Variants in AGBL4 observed in about 807,000 individuals in gnomAD.
AGBL4 encodes the protein cytosolic carboxypeptidase 6.
Under a neutral mutation model 66.4 loss-of-function variants are expected in AGBL4, and 58 were observed. The ratio of observed to expected loss-of-function variants is 0.87; its 90% CI spans 0.71 to 1.09. The LOEUF is 1.09. AGBL4 is among the 50% of genes least tolerant of loss of function. The probability of loss-of-function intolerance (pLI) is 0.00; values close to 1 mark genes in which losing one functional copy is unlikely to be tolerated. For missense variants in AGBL4, 579 were observed against 631.0 expected, an observed-to-expected ratio of 0.92 and a Z score of 0.88; for synonymous variants, 234 against 222.9, an observed-to-expected ratio of 1.05 and a Z score of -0.44.
At chr1:48,754,335 A>T (rs1652200328) in intron 6 of AGBL4, among the ~76,000 whole-genome samples, 1 of 152,146 alleles carries the variant, frequency 6.6e-6, no homozygotes, top group Non-Finnish European at 1.5e-5. Context: ...GTTTAAACAC[A>T]CCATTCTAAT....
chr1:50,015,052 C>T (rs776075643), intron 1 of AGBL4, among the ~76,000 whole-genome samples: 19 of 152,192 alleles, frequency 1.2e-4, no homozygotes, highest in Non-Finnish European at 2.1e-4. Context: ...TCTAAGTGAG[C>T]ATTATTCTCT....
rs141073743 is a variant in AGBL4, at chr1:49,291,893, CA to C, written c.283-46030del. Among the ~76,000 whole-genome samples, 835 of 152,276 alleles carry C rather than the reference CA, an allele frequency of 5.5e-3. 3 individuals are homozygous for C. The highest frequency in any genetic ancestry group is 0.02 in the Middle Eastern group (6 of 294). The stretch of plus-strand genomic sequence containing the variant: ...CTTCCCAGGTGCAGCTGCAGATGCC[CA>C]AGCCATCGATATGGAACTGGGTCTC... On this transcript the variant is annotated intron_variant, in intron 3 of 13. Coordinates refer to ENST00000371839, the MANE Select transcript of AGBL4 (RefSeq NM_032785.4).
intron 4 of AGBL4, among the ~76,000 whole-genome samples, chr1:49,097,809 G>A (rs1645133845): frequency 6.6e-6 from 1 of 152,182 alleles, no homozygotes; most frequent in Non-Finnish European, 1.5e-5. Context: ...TGAAGCTCTT[G>A]GCCTCAAGTA....
chr1:49,863,489 A>G (rs1011758265), intron 1 of AGBL4, among the ~76,000 whole-genome samples: 1 of 152,262 alleles, frequency 6.6e-6, no homozygotes, highest in Non-Finnish European at 1.5e-5. Flanking sequence ...AACAAAGTGA[A>G]GAGACAACCC....
intron 5 of AGBL4, among the ~76,000 whole-genome samples, chr1:48,976,802 C>T (rs192629291): frequency 6.6e-6 from 1 of 152,094 alleles, no homozygotes. Context: ...AGTCTTAACT[C>T]CAATATCCCC....
At chr1:49,845,938 G>C in intron 2 of AGBL4, 1 of 1,494,502 alleles carries the variant, frequency 6.7e-7, no homozygotes, top group Non-Finnish European at 9.3e-7. Flanking sequence ...ACTGCAGCAA[G>C]GCATTCAGCC....
rs143179048 is a variant in AGBL4 at position 49,598,906 on chromosome 1, T to C, written c.282+98407A>G. ...CTGTTTATGTGATGGATTACATTTA[T>C]TGATTTGCGTACGTTGAACCAGCCT... is the stretch of plus-strand genomic sequence containing the variant. On this transcript the variant is annotated intron_variant, in intron 3 of 13. Transcript: ENST00000371839. Among the ~76,000 whole-genome samples, 511 of 152,314 alleles carry C rather than the reference T, an allele frequency of 3.4e-3. 2 individuals carry two copies. Among genetic ancestry groups the C allele is most frequent in the African/African-American group, 0.011 (478 of 41,576 alleles).
At chr1:49,564,860 C>T (rs1326086630) in intron 3 of AGBL4, among the ~76,000 whole-genome samples, 2 of 152,132 alleles carry the variant, frequency 1.3e-5, no homozygotes, top group African/African-American at 4.8e-5. Flanking sequence ...CCTGGATATC[C>T]TTCTTAACTT....
chr1:49,477,986 T>C (rs1270417125), intron 3 of AGBL4, among the ~76,000 whole-genome samples: 1 of 151,474 alleles, frequency 6.6e-6, no homozygotes, highest in African/African-American at 2.4e-5. Flanking sequence ...TAAGTGATCT[T>C]GAATACAGGC....
Position 49,259,525 on chromosome 1 carries a change from G to C in AGBL4, c.283-13661C>G, listed in dbSNP as rs867999586. 3.4e-3 allele frequency among the ~76,000 whole-genome samples: 509 copies of C among 147,722 alleles called. 1 individual carries two copies. Among genetic ancestry groups the C allele is most frequent in the Middle Eastern group, 0.028 (8 of 284 alleles). ...TGCAATCCTAGTCTCTGATAAAACA[G>C]ACTTTAAACCAACAAAGATCAAAAG... On this transcript the variant is annotated intron_variant, in intron 3 of 13. Coordinates refer to ENST00000371839, the MANE Select transcript of AGBL4 (RefSeq NM_032785.4).
intron 1 of AGBL4, among the ~76,000 whole-genome samples, chr1:49,920,836 G>A (rs1429046069): frequency 3.3e-5 from 5 of 152,064 alleles, no homozygotes; most frequent in South Asian, 4.1e-4. Flanking sequence ...GACTTGGAAC[G>A]AATCCACTGT....
intron 4 of AGBL4, among the ~76,000 whole-genome samples, chr1:49,098,091 C>A (rs910452809): frequency 2.0e-5 from 3 of 152,184 alleles, no homozygotes; most frequent in Non-Finnish European, 4.4e-5. Context: ...GAGATGTAGG[C>A]TTGAACTGTG....
intron 2 of AGBL4, chr1:49,845,795 G>C: frequency 1.3e-6 from 2 of 1,559,882 alleles, no homozygotes; most frequent in Non-Finnish European, 1.8e-6. Flanking sequence ...TCCTCACTTA[G>C]CCAGCAGGAG....
intron 5 of AGBL4, among the ~76,000 whole-genome samples, chr1:48,968,674 A>G (rs932447141): frequency 2.0e-5 from 3 of 152,174 alleles, no homozygotes; most frequent in Admixed American, 6.6e-5. Context: ...AAGGCCACAC[A>G]GTGGGTCCAT....
chr1:49,845,380 C>G (rs1455897132), intron 2 of AGBL4: 26 of 1,386,764 alleles, frequency 1.9e-5, no homozygotes, highest in Non-Finnish European at 2.7e-5. Flanking sequence ...CTTTAGCCAA[C>G]ACAAGTGAAC....
chr1:49,275,916 G>A (rs921003953), intron 3 of AGBL4, among the ~76,000 whole-genome samples: 7 of 152,034 alleles, frequency 4.6e-5, no homozygotes, highest in Admixed American at 1.3e-4. Context: ...CTGCTGATGT[G>A]TAAACTACTC....
At chr1:49,556,364 C>T (rs1643897155) in intron 3 of AGBL4, among the ~76,000 whole-genome samples, 1 of 152,036 alleles carries the variant, frequency 6.6e-6, no homozygotes, top group African/African-American at 2.4e-5. Context: ...ACATCACATA[C>T]TGGCGCCTGT....
At chr1:49,018,407 C>G (rs1180139498) in intron 5 of AGBL4, among the ~76,000 whole-genome samples, 1 of 152,160 alleles carries the variant, frequency 6.6e-6, no homozygotes, top group Non-Finnish European at 1.5e-5. Context: ...TGGCAAGCCC[C>G]AACTCAGACC....
At chr1:49,735,288 GGTGTGTGGGTGTGT>G (rs1213115693) in intron 2 of AGBL4, among the ~76,000 whole-genome samples, 11 of 115,048 alleles carry the variant, frequency 9.6e-5, no homozygotes, top group African/African-American at 4.8e-4. Flanking sequence ...AAGAGGTAGA[GGTGTGTGGGTGTGT>G]GTGTGTGTGT....
Sources: gnomAD v4.1 joint callset for allele counts (sites outside exome capture counted in the v4.1 genomes callset) on GRCh38, gnomAD v4.1.1 for gene constraint, MANE v1.5 for transcripts, NCBI Gene and HGNC (gene_info 2026-07-23, HGNC 2026-07-21) for gene names.